CBLB: variants seen among roughly 807,000 people sequenced by gnomAD.
The protein encoded by CBLB is E3 ubiquitin-protein ligase CBL-B.
A neutral mutation model predicts 104.9 loss-of-function variants in CBLB; 31 were observed. That is an observed-to-expected ratio of 0.30 (90% CI 0.22 to 0.40). The LOEUF (loss-of-function observed/expected upper bound fraction) is 0.40, where lower values mean the gene tolerates loss of function less well. Ranked by LOEUF, CBLB falls within the 10% of genes least tolerant of loss-of-function variation. The pLI, the probability that CBLB is intolerant of heterozygous loss-of-function variation, is 1.00. For synonymous variants in CBLB, 440 were observed against 422.6 expected (o/e 1.04, Z -0.51); for missense variants, 1,062 against 1,214.6 (o/e 0.87, Z 1.87).
At chr3:105,724,621 G>C (rs12635232) in intron 9 of CBLB, among the ~76,000 whole-genome samples, 20,371 of 152,076 alleles carry the variant, frequency 0.13, 1,623 homozygotes, top group East Asian at 0.41. Context: ...AGAAAACTAA[G>C]GAAACATATC....
At chr3:105,712,865 A>G (rs1222709552) in intron 10 of CBLB, among the ~76,000 whole-genome samples, 1 of 152,176 alleles carries the variant, frequency 6.6e-6, no homozygotes, top group African/African-American at 2.4e-5. Flanking sequence ...AATTCTTCCT[A>G]ATGGAATGCT....
At chr3:105,681,433 AAAG>A (rs746349471) in intron 16 of CBLB, 43 bp downstream of exon 16, 7 of 1,596,168 alleles carry the variant, frequency 4.4e-6, no homozygotes, top group African/African-American at 1.3e-5. Context: ...TCTGAAATTA[AAAG>A]AAGGAGGGGT....
chr3:105,766,577 A>G (rs1353381286), intron 4 of CBLB, among the ~76,000 whole-genome samples: 1 of 152,220 alleles, frequency 6.6e-6, no homozygotes. Context: ...ACTCTCCAGC[A>G]GCTAAAAGAT....
At chr3:105,701,366 T>C (rs894312657) in intron 12 of CBLB, among the ~76,000 whole-genome samples, 2 of 152,238 alleles carry the variant, frequency 1.3e-5, no homozygotes, top group African/African-American at 2.4e-5. Flanking sequence ...GGCTGCCTAA[T>C]GTGCACTGTC....
At chr3:105,806,491 A>AAAC (rs1057314422) in intron 3 of CBLB, among the ~76,000 whole-genome samples, 1 of 151,612 alleles carries the variant, frequency 6.6e-6, no homozygotes, top group Non-Finnish European at 1.5e-5. Context: ...AAAAAAAAAA[A>AAAC]AAAACAGAAA....
At position 105,741,465 on chromosome 3, in the gene CBLB, G is replaced by A. The variant is rs535551032; in HGVS notation, c.846-834C>T. ...TGCTGGAGTGCAGTGGCGCAATCACGGCTCACTGCAAGCTCCGCCTCCCAG... is the reference window on the plus strand; with the variant it reads ...TGCTGGAGTGCAGTGGCGCAATCACAGCTCACTGCAAGCTCCGCCTCCCAG... On this transcript the variant is annotated intron_variant, in intron 6 of 18. Coordinates refer to ENST00000394030, the MANE Select transcript of CBLB (RefSeq NM_170662.5). Among the ~76,000 whole-genome samples the A allele has an allele frequency of 1.4e-3, 207 of 152,078 alleles. 2 individuals are homozygous for A. Among genetic ancestry groups the A allele is most frequent in the African/African-American group, 4.7e-3 (196 of 41,476 alleles).
chr3:105,674,767 C>T (rs569467978), intron 17 of CBLB, among the ~76,000 whole-genome samples: 3 of 152,276 alleles, frequency 2.0e-5, no homozygotes, highest in Non-Finnish European at 4.4e-5. Flanking sequence ...TTGGGGACTT[C>T]AGGTTTTGTT....
intron 12 of CBLB, among the ~76,000 whole-genome samples, chr3:105,701,068 A>C (rs1370715430): frequency 6.6e-6 from 1 of 152,204 alleles, no homozygotes; most frequent in Non-Finnish European, 1.5e-5. Flanking sequence ...CTAATCTCAG[A>C]GTCAAAAGCA....
In CBLB at chr3:105,731,144, G is replaced by A. The variant is rs543928129; in HGVS notation, c.1203+2865C>T. ...TTTGGAGAATGCACAGTAACACATAGACATGTTGTGGTGATGTAAAATGTT... is the reference window on the plus strand; with the variant it reads ...TTTGGAGAATGCACAGTAACACATAAACATGTTGTGGTGATGTAAAATGTT... On this transcript the variant is annotated intron_variant, in intron 9 of 18. Transcript: ENST00000394030. Among the ~76,000 whole-genome samples the A allele has an allele frequency of 2.0e-5, 3 of 152,274 alleles. No homozygotes were observed. The South Asian group carries it at 6.2e-4, about 32-fold the overall frequency.
At chr3:105,861,470 T>G (rs1259356328) in intron 2 of CBLB, among the ~76,000 whole-genome samples, 1 of 152,078 alleles carries the variant, frequency 6.6e-6, no homozygotes, top group East Asian at 1.9e-4. Context: ...TTCCCTTGCT[T>G]TCCTCCTGTG....
chr3:105,838,515 G>C (rs927905476), intron 3 of CBLB, among the ~76,000 whole-genome samples: 2 of 151,942 alleles, frequency 1.3e-5, no homozygotes, highest in African/African-American at 4.8e-5. Context: ...ACTGGAAATA[G>C]GAAAGGGAGG....
chr3:105,794,693 T>G (rs941449508), intron 3 of CBLB, among the ~76,000 whole-genome samples: 1 of 152,092 alleles, frequency 6.6e-6, no homozygotes, highest in Non-Finnish European at 1.5e-5. Flanking sequence ...TCTTGTGAGC[T>G]AAACAATTAA....
At chr3:105,681,248 C>A in intron 16 of CBLB, 1 of 584,536 alleles carries the variant, frequency 1.7e-6, no homozygotes, top group Non-Finnish European at 3.0e-6. Flanking sequence ...ATGGACAAAA[C>A]AACTTGCTTA....
At chr3:105,732,345 A>T (rs1301276515) in intron 9 of CBLB, among the ~76,000 whole-genome samples, 1 of 152,238 alleles carries the variant, frequency 6.6e-6, no homozygotes, top group African/African-American at 2.4e-5. Flanking sequence ...AATGTAATTT[A>T]AATAGGAATC....
In CBLB at chr3:105,720,236, C is replaced by T. The variant is rs2072587991; in HGVS notation, c.1218G>A (p.Gln406=). 1 of 1,612,796 alleles carries T rather than the reference C, an allele frequency of 6.2e-7. No homozygotes were observed. Among genetic ancestry groups the T allele is most frequent in the East Asian group, 2.2e-5 (1 of 44,870 alleles). Residue 406 remains glutamine, a synonymous_variant, in exon 10 of 19, where the codon CAG becomes CAA. Coordinates refer to ENST00000394030, the MANE Select transcript of CBLB (RefSeq NM_170662.5). The part of the protein sequence containing the change: ...CLTAWQESDG[Q]GCPFCRCEIK... ...TTTCACAACGACAGAAAGGGCAGCC[C>T]TGACCATCCGACTCCTAAACAAATA...
At chr3:105,750,347 G>C (rs1047586101) in intron 5 of CBLB, among the ~76,000 whole-genome samples, 4 of 152,036 alleles carry the variant, frequency 2.6e-5, no homozygotes, top group African/African-American at 9.7e-5. Context: ...GCTAGCTAGT[G>C]CCAAGCAGAA....
chr3:105,868,020 C>G (rs2092532922), intron 1 of CBLB: 1 of 479,226 alleles, frequency 2.1e-6, no homozygotes, highest in Admixed American at 3.8e-5. Context: ...GGGAGCCTTA[C>G]GCAGAAACTT....
At chr3:105,696,347 T>C (rs1252119743) in intron 12 of CBLB, among the ~76,000 whole-genome samples, 3 of 151,836 alleles carry the variant, frequency 2.0e-5, no homozygotes, top group Non-Finnish European at 4.4e-5. Flanking sequence ...TAACATTATG[T>C]CATTCTGAAT....
intron 18 of CBLB, among the ~76,000 whole-genome samples, chr3:105,667,173 T>C (rs1465664212): frequency 2.6e-5 from 4 of 152,246 alleles, no homozygotes; most frequent in Non-Finnish European, 4.4e-5. Context: ...GGTCTTTTAA[T>C]GGTTTCAAAC....
Sources: gnomAD v4.1 joint callset for allele counts (sites outside exome capture counted in the v4.1 genomes callset) on GRCh38, gnomAD v4.1.1 for gene constraint, MANE v1.5 for transcripts, NCBI Gene and HGNC (gene_info 2026-07-23, HGNC 2026-07-21) for gene names.